Variants in NLGN3 observed in about 807,000 individuals in gnomAD.
NLGN3 encodes the protein neuroligin-3.
Under a neutral mutation model 42.9 loss-of-function variants are expected in NLGN3, and 11 were observed. The ratio of observed to expected loss-of-function variants is 0.26; its 90% CI spans 0.16 to 0.42. The LOEUF (loss-of-function observed/expected upper bound fraction) is 0.42. NLGN3 is among the 10% of genes least tolerant of loss of function. The pLI is 1.00. For missense variants in NLGN3, 374 were observed against 733.8 expected, an observed-to-expected ratio of 0.51 and a Z score of 5.67; for synonymous variants, 279 against 312.7, an observed-to-expected ratio of 0.89 and a Z score of 1.14.
At chrX:71,163,249 C>T (rs1489318335) in intron 5 of NLGN3, among the ~76,000 whole-genome samples, 2 of 111,623 alleles carry the variant, frequency 1.8e-5, no homozygotes, top group Admixed American at 1.9e-4. Flanking sequence ...TCTGTGGTAA[C>T]GCACTGCGCT....
At chrX:71,150,081 C>A (rs1034094380) in intron 3 of NLGN3, among the ~76,000 whole-genome samples, 1 of 111,038 alleles carries the variant, frequency 9.0e-6, no homozygotes, top group African/African-American at 3.3e-5. Flanking sequence ...GAGCCCTGAG[C>A]GCTTCTAATG....
downstream of NLGN3, among the ~76,000 whole-genome samples, chrX:71,174,688 T>G (rs1237768509): frequency 8.9e-6 from 1 of 111,888 alleles, no homozygotes; most frequent in Non-Finnish European, 1.9e-5. Context: ...TGGGAAAACA[T>G]GTATACATGT....
chrX:71,152,748 T>C (rs751205663), intron 3 of NLGN3, among the ~76,000 whole-genome samples: 34 of 111,599 alleles, frequency 3.0e-4, no homozygotes, highest in African/African-American at 1.1e-3. Context: ...CTCTCTCCTC[T>C]TCCCCTTTCT....
At chrX:71,171,208 T>A (rs905469655), downstream of NLGN3, 5 of 750,527 alleles carry the variant, frequency 6.7e-6, no homozygotes, top group Non-Finnish European at 7.8e-6. Context: ...CCAACCTGCC[T>A]CCCTTGCACA....
intron 4 of NLGN3, among the ~76,000 whole-genome samples, chrX:71,154,455 C>T (rs974633554): frequency 9.8e-5 from 11 of 112,472 alleles, no homozygotes; most frequent in African/African-American, 3.2e-4. Flanking sequence ...CGCCTGGGCT[C>T]GGGAGCAGCC....
Position 71,170,850 on chromosome X carries a change from T to G in NLGN3, c.*753T>G. 1 of 755,786 alleles carries G rather than the reference T, an allele frequency of 1.3e-6. No homozygotes were observed. The highest frequency in any genetic ancestry group is 1.6e-6 in the Non-Finnish European group (1 of 640,159). The allele number at this position is 755,786 out of a possible 1,213,427, so 62.3% of individuals were successfully genotyped here. On this transcript the variant is annotated 3_prime_UTR_variant, in exon 8 of 8. Transcript: ENST00000358741. The stretch of plus-strand genomic sequence containing the variant: ...GTGGAGGGCTGCAGAGCCTGCAGGG[T>G]GACCTGCTTCCCCAAAGGCCAACAG...
rs1309873240 is a variant in NLGN3 at position 71,170,113 on chromosome X, C to T, written c.*16C>T. On this transcript the variant is annotated 3_prime_UTR_variant, in exon 8 of 8. Coordinates refer to ENST00000358741, the MANE Select transcript of NLGN3 (RefSeq NM_181303.2). ...CCGGGTATAGCTCCAACTCAGAGCACAGCCAATCTCCAGGCTCCCTCCCTC... is the reference window on the plus strand; with the variant it reads ...CCGGGTATAGCTCCAACTCAGAGCATAGCCAATCTCCAGGCTCCCTCCCTC... 7.5e-6 allele frequency: 9 copies of T among 1,205,266 alleles called. No individual in the cohort carries two copies. Among genetic ancestry groups the T allele is most frequent in the Non-Finnish European group, 1.0e-5 (9 of 894,312 alleles).
chrX:71,166,861 C>G (rs749340609), intron 6 of NLGN3, 150 bp from the exon 7 acceptor site: 46 of 517,866 alleles, frequency 8.9e-5, no homozygotes, highest in Non-Finnish European at 1.4e-4. Flanking sequence ...GCAACCCCTC[C>G]TTTGGCCCTA....
intron 5 of NLGN3, among the ~76,000 whole-genome samples, chrX:71,161,058 G>C (rs2147892417): frequency 9.0e-6 from 1 of 110,748 alleles, no homozygotes; most frequent in African/African-American, 3.3e-5. Context: ...GGTCAGGTTT[G>C]CTGTCATCTT....
intron 4 of NLGN3, among the ~76,000 whole-genome samples, chrX:71,154,536 C>T (rs2092401803): frequency 8.9e-6 from 1 of 112,404 alleles, no homozygotes; most frequent in African/African-American, 3.2e-5. Context: ...TGGGAGCAGG[C>T]TCTGTCATTC....
At chrX:71,145,525 A>G (rs1368181061) in intron 1 of NLGN3, among the ~76,000 whole-genome samples, 5 of 108,375 alleles carry the variant, frequency 4.6e-5, no homozygotes, top group African/African-American at 1.7e-4. Context: ...AAGTACCCCG[A>G]GATGCCATTC....
chrX:71,154,148 A>T (rs1276356237), intron 4 of NLGN3, among the ~76,000 whole-genome samples: 10 of 113,110 alleles, frequency 8.8e-5, no homozygotes, highest in Non-Finnish European at 1.7e-4. Flanking sequence ...TGAGGCCAGG[A>T]CACCACAGCC....
chrX:71,160,228 T>C (rs1384722885), intron 5 of NLGN3, among the ~76,000 whole-genome samples: 1 of 104,842 alleles, frequency 9.5e-6, no homozygotes, highest in East Asian at 3.0e-4. Context: ...TTTTTTTTTT[T>C]CTTTTTGAGA....
chrX:71,156,092 A>G (rs749286789), intron 5 of NLGN3, among the ~76,000 whole-genome samples: 1 of 110,372 alleles, frequency 9.1e-6, no homozygotes, highest in East Asian at 2.9e-4. Context: ...CACGATGCAT[A>G]CACACCCACA....
At chrX:71,164,378 C>T (rs1202002166) in intron 6 of NLGN3, 50 bp downstream of exon 6, 3 of 1,136,187 alleles carry the variant, frequency 2.6e-6, no homozygotes, top group Admixed American at 2.3e-5. Context: ...CCGGCTGTCC[C>T]AGCATGCCCC....
chrX:71,159,586 C>T (rs1327529081), intron 5 of NLGN3, among the ~76,000 whole-genome samples: 1 of 111,632 alleles, frequency 9.0e-6, no homozygotes, highest in East Asian at 2.8e-4. Flanking sequence ...TTCCTGCACA[C>T]CCTTCAGTTC....
intron 1 of NLGN3, among the ~76,000 whole-genome samples, chrX:71,146,153 T>TCTCTCTCACACA (rs1185227027): frequency 3.8e-5 from 1 of 26,345 alleles, no homozygotes; most frequent in African/African-American, 1.6e-4. Flanking sequence ...TCTCTCTCTC[T>TCTCTCTCACACA]CACACACACA....
intron 6 of NLGN3, 140 bp downstream of exon 6, chrX:71,164,468 G>C: frequency 1.7e-6 from 1 of 582,625 alleles, no homozygotes; most frequent in Non-Finnish European, 2.6e-6. Flanking sequence ...AAGTGGAAGA[G>C]AAATGTTTCT....
chrX:71,159,924 G>A (rs1336542251), intron 5 of NLGN3, among the ~76,000 whole-genome samples: 12 of 99,304 alleles, frequency 1.2e-4, no homozygotes, highest in African/African-American at 4.1e-4. Flanking sequence ...TAGTAGAGGC[G>A]GGGGTTTCGC....
Sources: gnomAD v4.1 joint callset for allele counts (sites outside exome capture counted in the v4.1 genomes callset) on GRCh38, gnomAD v4.1.1 for gene constraint, MANE v1.5 for transcripts, NCBI Gene and HGNC (gene_info 2026-07-23, HGNC 2026-07-21) for gene names.